Variants in PCDHGB3 observed in about 807,000 individuals in gnomAD.
PCDHGB3 encodes protocadherin gamma subfamily B, 3.
A neutral mutation model predicts 59.2 loss-of-function variants in PCDHGB3; 40 were observed. The observed-to-expected ratio is 0.68, with a 90% CI of 0.52 to 0.88. PCDHGB3 has a LOEUF of 0.88. Among genes scored for constraint, PCDHGB3 ranks in the 40% least tolerant of loss-of-function variants. The pLI, the probability that PCDHGB3 is intolerant of heterozygous loss-of-function variation, is 0.00. For missense variants in PCDHGB3, 1,309 were observed against 1,187.9 expected, an observed-to-expected ratio of 1.10 and a Z score of -1.50; for synonymous variants, 581 against 503.6, an observed-to-expected ratio of 1.15 and a Z score of -2.06.
chr5:141,439,636 G>A (rs114401133), intron 1 of PCDHGB3, among the ~76,000 whole-genome samples: 27 of 152,206 alleles, frequency 1.8e-4, no homozygotes, highest in Non-Finnish European at 2.9e-4. Context: ...CAGACATTCC[G>A]GCTTGGTGGC....
chr5:141,483,444 T>C (rs956913442), intron 1 of PCDHGB3, among the ~76,000 whole-genome samples: 1 of 152,108 alleles, frequency 6.6e-6, no homozygotes, highest in African/African-American at 2.4e-5. Context: ...TACAATAAAA[T>C]CATCAGGACT....
chr5:141,376,590 G>A (rs569935512), intron 1 of PCDHGB3: 9 of 1,570,160 alleles, frequency 5.7e-6, no homozygotes, highest in South Asian at 4.7e-5. Context: ...CAGCTAGATC[G>A]GCTGTTATAG....
At chr5:141,384,694 G>A (rs772190655) in intron 1 of PCDHGB3, 1 of 1,614,084 alleles carries the variant, frequency 6.2e-7, no homozygotes, top group Non-Finnish European at 8.5e-7. Context: ...CAAAGATTCA[G>A]GCCAGAACGC....
Position 141,491,913 on chromosome 5 carries a change from T to C in PCDHGB3, c.2416-2894T>C, listed in dbSNP as rs2099735120. 2.1e-6 allele frequency: 3 copies of C among 1,398,206 alleles called. No homozygotes were observed. Among genetic ancestry groups the C allele is most frequent in the Non-Finnish European group, 2.9e-6 (3 of 1,051,918 alleles). The allele number at this position is 1,398,206 out of a possible 1,614,324, so 86.6% of individuals were successfully genotyped here. On this transcript the variant is annotated intron_variant, in intron 1 of 3. Coordinates refer to ENST00000576222, the MANE Select transcript of PCDHGB3 (RefSeq NM_018924.5). The surrounding 1 kb of genome is among the most constrained non-coding windows in gnomAD (Gnocchi z 6.9). ...TCCGAGCACCGGGGGTGGTGGCGAC[T>C]GTGGGCGAGGGGAGGTGGGACCGAC... is the stretch of plus-strand genomic sequence containing the variant.
Position 141,493,876 on chromosome 5 carries a change from G to T in PCDHGB3, c.2416-931G>T, listed in dbSNP as rs2099750541. 6.6e-6 allele frequency among the ~76,000 whole-genome samples: 1 copy of T among 152,194 alleles called. No homozygotes were observed. ...CAGCCCACCCCAGAACCAGTGAGGA[G>T]GTGGCTCTAGGAGTGCTCCATGAGA... On this transcript the variant is annotated intron_variant, in intron 1 of 3. Transcript: ENST00000576222. The surrounding 1 kb of genome is among the most constrained non-coding windows in gnomAD (Gnocchi z 4.3).
In PCDHGB3 at chr5:141,371,720, C is replaced by T; in HGVS notation, c.1326C>T (p.Ile442=). 6.2e-7 allele frequency: 1 copy of T among 1,614,070 alleles called. No individual in the cohort carries two copies. Among genetic ancestry groups the T allele is most frequent in the Non-Finnish European group, 8.5e-7 (1 of 1,179,904 alleles). The change falls in exon 1 of 4, where the codon ATC becomes ATT. Residue 442 remains isoleucine (I), a synonymous_variant. Coordinates refer to ENST00000576222, the MANE Select transcript of PCDHGB3 (RefSeq NM_018924.5). ...CCAGCAAGACCATCACTCTGCACAT[C>T]CTTGATGTCAACGACAACGTTCCCG... ...LSSSKTITLH[I]LDVNDNVPVF... is the part of the protein sequence containing the mutation.
In PCDHGB3 at chr5:141,432,071, A is replaced by G; in HGVS notation, c.2415+59262A>G. On this transcript the variant is annotated intron_variant, in intron 1 of 3. Transcript: ENST00000576222. The surrounding 1 kb of genome is among the most constrained non-coding windows in gnomAD (Gnocchi z 6.0). ...CCCGCCCCTATCCACGGAAACTCAT[A>G]TCTCGCTGAACGTGGCAGACACCAA... is the stretch of plus-strand genomic sequence containing the variant. 2 of 1,614,158 alleles carry G rather than the reference A, an allele frequency of 1.2e-6. No individual in the cohort carries two copies. The highest frequency in any genetic ancestry group is 1.7e-6 in the Non-Finnish European group (2 of 1,180,032).
chr5:141,404,195 G>A (rs1472875979), intron 1 of PCDHGB3: 1 of 1,613,400 alleles, frequency 6.2e-7, no homozygotes, highest in East Asian at 2.2e-5. Context: ...CCGAGAAAAA[G>A]CCTCAGAATA....
At chr5:141,446,669 C>T (rs554578186) in intron 1 of PCDHGB3, among the ~76,000 whole-genome samples, 2 of 152,182 alleles carry the variant, frequency 1.3e-5, no homozygotes, top group Admixed American at 1.3e-4. Flanking sequence ...TACAAGACAG[C>T]ATTTCACCAT....
At chr5:141,393,842 T>C (rs1010461527) in intron 1 of PCDHGB3, 5 of 1,613,948 alleles carry the variant, frequency 3.1e-6, no homozygotes, top group Non-Finnish European at 4.2e-6. Context: ...TAAATGACAA[T>C]AGACCAGAAG....
chr5:141,392,628 A>C (rs2092566593), intron 1 of PCDHGB3: 2 of 588,334 alleles, frequency 3.4e-6, no homozygotes, highest in South Asian at 5.4e-5. Flanking sequence ...AAACACTCAG[A>C]TCTCACACCT....
At chr5:141,377,766 G>A (rs950570647) in intron 1 of PCDHGB3, 4 of 152,130 alleles carry the variant, frequency 2.6e-5, no homozygotes, top group African/African-American at 9.7e-5. Flanking sequence ...CCAGATCTTT[G>A]GTGTTAAAAG....
At chr5:141,483,222 C>A (rs1011389295) in intron 1 of PCDHGB3, among the ~76,000 whole-genome samples, 4 of 152,078 alleles carry the variant, frequency 2.6e-5, no homozygotes, top group African/African-American at 9.7e-5. Context: ...ACAGTCACTG[C>A]AGAAATTTGA....
At position 141,414,416 on chromosome 5, in the gene PCDHGB3, T is replaced by C. The variant is rs550804810; in HGVS notation, c.2415+41607T>C. The C allele has an allele frequency of 2.2e-5, 35 of 1,613,902 alleles. No homozygotes were observed. In the South Asian group the frequency reaches 3.5e-4, roughly 16 times the overall value. On this transcript the variant is annotated intron_variant, in intron 1 of 3. Coordinates refer to ENST00000576222, the MANE Select transcript of PCDHGB3 (RefSeq NM_018924.5). ...TACAGATTGGTGATACACAGAGCCCTTGACAGGGAACAGGTATCCTCTTAC... is the reference window on the plus strand; with the variant it reads ...TACAGATTGGTGATACACAGAGCCCCTGACAGGGAACAGGTATCCTCTTAC...
intron 1 of PCDHGB3, chr5:141,409,449 C>A (rs1317609642): frequency 6.2e-7 from 1 of 1,613,934 alleles, no homozygotes; most frequent in South Asian, 1.1e-5. Flanking sequence ...GAGCAGACAC[C>A]AGAATACAAT....
At position 141,409,627 on chromosome 5, in the gene PCDHGB3, C is replaced by A. The variant is rs761778894; in HGVS notation, c.2415+36818C>A. ...CAGGAGCCTCCATTGCGCAAGTGAG[C>A]GCCTCTGACCCGGATTTGGGGCTCA... On this transcript the variant is annotated intron_variant, in intron 1 of 3. Coordinates refer to ENST00000576222, the MANE Select transcript of PCDHGB3 (RefSeq NM_018924.5). 5.0e-5 allele frequency: 80 copies of A among 1,613,716 alleles called. No individual in the cohort carries two copies. The Admixed American group carries it at 1.2e-3, about 24-fold the overall frequency.
chr5:141,503,130 C>A (rs1406819266), intron 2 of PCDHGB3, among the ~76,000 whole-genome samples: 1 of 151,980 alleles, frequency 6.6e-6, no homozygotes, highest in Non-Finnish European at 1.5e-5. Context: ...CCTCTGGTAG[C>A]CCCTGACACA....
intron 1 of PCDHGB3, among the ~76,000 whole-genome samples, chr5:141,438,613 TATATATATATATATATATATATACAC>T (rs1192023297): frequency 0.026 from 946 of 36,486 alleles, 27 homozygotes; most frequent in African/African-American, 0.12. Flanking sequence ...TATATATATA[TATATATATATATATATATATATACAC>T]ACACACACAC....
In PCDHGB3 at chr5:141,375,116, C is replaced by G. The variant is rs754682469; in HGVS notation, c.2415+2307C>G. On this transcript the variant is annotated intron_variant, in intron 1 of 3. Coordinates refer to ENST00000576222, the MANE Select transcript of PCDHGB3 (RefSeq NM_018924.5). ...TATCTTGGATGTCAATGATAATGTA[C>G]CAGAAGTGGTTGTTACATCTGGAAG... 4 of 1,613,768 alleles carry G rather than the reference C, an allele frequency of 2.5e-6. No individual in the cohort carries two copies. The highest frequency in any genetic ancestry group is 3.4e-6 in the Non-Finnish European group (4 of 1,179,904).
Sources: allele counts gnomAD v4.1 joint callset (sites outside exome capture counted in the v4.1 genomes callset), GRCh38; gene constraint gnomAD v4.1.1; non-coding constraint Gnocchi (gnomAD v3.1); transcripts MANE v1.5; gene names NCBI Gene and HGNC (gene_info 2026-07-23, HGNC 2026-07-21).